Variants in HIPK2 observed in about 807,000 individuals in gnomAD.
HIPK2 encodes homeodomain-interacting protein kinase 2.
HIPK2 carries 27 observed loss-of-function variants against 113.7 expected under a neutral mutation model. The ratio of observed to expected loss-of-function variants is 0.24; its 90% CI spans 0.17 to 0.33. HIPK2 has a LOEUF of 0.33. Ranked by LOEUF, HIPK2 falls within the 10% of genes least tolerant of loss-of-function variation. The pLI, the probability that HIPK2 is intolerant of heterozygous loss-of-function variation, is 1.00. For missense variants in HIPK2, 1,257 were observed against 1,588.0 expected (o/e 0.79, Z 3.54); for synonymous variants, 631 against 642.2 (o/e 0.98, Z 0.26).
chr7:139,572,900 C>T lies in HIPK2; in HGVS notation c.*27G>A, dbSNP rs1798343298. On this transcript the variant is annotated 3_prime_UTR_variant, in exon 15 of 15. Coordinates refer to ENST00000406875, the MANE Select transcript of HIPK2 (RefSeq NM_022740.5). ...CCTCCCTCGGGCCATTCTCTCCCTC[C>T]CTCCCTCCCTCCCTCCCCTCCAGTG... is the stretch of plus-strand genomic sequence containing the variant. The T allele has an allele frequency of 7.4e-6, 4 of 538,788 alleles. No homozygotes were observed. The highest frequency in any genetic ancestry group is 3.2e-4 in the Middle Eastern group (1 of 3,136). The allele number at this position is 538,788 out of a possible 1,614,324, so 33.4% of individuals were successfully genotyped here. A position where few individuals can be genotyped will look rare whatever the true frequency, so the allele number is the denominator to read the frequency against.
chr7:139,691,157 C>A (rs1794393484), intron 2 of HIPK2, among the ~76,000 whole-genome samples: 1 of 152,178 alleles, frequency 6.6e-6, no homozygotes, highest in South Asian at 2.1e-4. Flanking sequence ...AAGGAAAACG[C>A]CCCCCTACCC....
chr7:139,703,625 T>C (rs911588183), intron 2 of HIPK2, among the ~76,000 whole-genome samples: 2 of 151,762 alleles, frequency 1.3e-5, no homozygotes, highest in African/African-American at 2.4e-5. Context: ...GAGAACACCA[T>C]GCACCAGTCT....
chr7:139,696,698 G>T (rs1436910224), intron 2 of HIPK2, among the ~76,000 whole-genome samples: 1 of 152,060 alleles, frequency 6.6e-6, no homozygotes, highest in Admixed American at 6.6e-5. Flanking sequence ...GCAGCACAAA[G>T]AAATGGACAT....
chr7:139,688,036 T>C (rs569166255), intron 2 of HIPK2, among the ~76,000 whole-genome samples: 77 of 152,296 alleles, frequency 5.1e-4, no homozygotes, highest in Admixed American at 2.5e-3. Flanking sequence ...GCATGGATTC[T>C]TGTCACCCCA....
intron 2 of HIPK2, among the ~76,000 whole-genome samples, chr7:139,657,998 C>G (rs1043453432): frequency 2.6e-5 from 4 of 152,126 alleles, no homozygotes; most frequent in Admixed American, 2.6e-4. Context: ...CTGGTTGAGT[C>G]ACTTAAATGT....
chr7:139,700,727 G>A (rs1381836259), intron 2 of HIPK2, among the ~76,000 whole-genome samples: 1 of 152,120 alleles, frequency 6.6e-6, no homozygotes, highest in African/African-American at 2.4e-5. Flanking sequence ...GCAGCACTGC[G>A]GCTCATTTTT....
chr7:139,666,844 C>G (rs147900970), intron 2 of HIPK2, among the ~76,000 whole-genome samples: 7 of 152,140 alleles, frequency 4.6e-5, no homozygotes, highest in African/African-American at 1.7e-4. Context: ...AGGTAGACGG[C>G]CTGAGGTCAG....
chr7:139,591,704 C>A (rs373462967), intron 12 of HIPK2, among the ~76,000 whole-genome samples: 3 of 152,246 alleles, frequency 2.0e-5, no homozygotes, highest in African/African-American at 7.2e-5. Context: ...CCTACCATCA[C>A]CTCTTGAGAT....
intron 2 of HIPK2, among the ~76,000 whole-genome samples, chr7:139,699,295 A>C (rs1379343940): frequency 6.6e-6 from 1 of 152,160 alleles, no homozygotes; most frequent in Non-Finnish European, 1.5e-5. Context: ...CATTAGAAAC[A>C]TTCAATTTCT....
chr7:139,631,071 G>T lies in HIPK2; in HGVS notation c.1347+94C>A. On this transcript the variant is annotated intron_variant, in intron 4 of 14. Coordinates refer to ENST00000406875, the MANE Select transcript of HIPK2 (RefSeq NM_022740.5). This position sits in a 1 kb window ranked among gnomAD's most constrained non-coding sequence, Gnocchi z 4.9. ...ACAGCACCCCCAGTGCCCTCATTTT[G>T]CTGACTGAATCAAAAGCTCCCCACT... The T allele has an allele frequency of 1.4e-6, 2 of 1,471,350 alleles. No homozygotes were observed. Among genetic ancestry groups the T allele is most frequent in the South Asian group, 2.6e-5 (2 of 75,682 alleles). 91.1% of individuals were successfully genotyped at this position (1,471,350 alleles called of 1,614,324 possible). A position where few individuals can be genotyped will look rare whatever the true frequency, so the allele number is the denominator to read the frequency against.
chr7:139,618,024 A>G (rs1194556126), intron 7 of HIPK2, among the ~76,000 whole-genome samples: 2 of 152,254 alleles, frequency 1.3e-5, no homozygotes, highest in Non-Finnish European at 2.9e-5. Context: ...CTGTGTATGT[A>G]TATTTTAAGA....
chr7:139,655,156 T>G (rs550099642), intron 2 of HIPK2, among the ~76,000 whole-genome samples: 53 of 152,348 alleles, frequency 3.5e-4, no homozygotes, highest in Non-Finnish European at 6.8e-4. Context: ...AGCCAGTTAC[T>G]GAATTCTCAG....
chr7:139,659,130 G>A (rs1801777159), intron 2 of HIPK2, among the ~76,000 whole-genome samples: 1 of 152,134 alleles, frequency 6.6e-6, no homozygotes, highest in African/African-American at 2.4e-5. Context: ...GGGGCCGGGA[G>A]GGATTTTTTC....
chr7:139,769,296 C>T (rs754965362), intron 1 of HIPK2, among the ~76,000 whole-genome samples: 11 of 149,806 alleles, frequency 7.3e-5, no homozygotes, highest in Non-Finnish European at 1.3e-4. Context: ...GGCCCACCTC[C>T]ATCTCCACGG....
At chr7:139,574,066 T>TC (rs1053099961) in intron 14 of HIPK2, among the ~76,000 whole-genome samples, 4 of 151,716 alleles carry the variant, frequency 2.6e-5, no homozygotes, top group Non-Finnish European at 5.9e-5. Flanking sequence ...CCTAGAATGA[T>TC]CCCCCCGCCT....
At position 139,630,388 on chromosome 7, in the gene HIPK2, C is replaced by A. The variant is rs1172861399; in HGVS notation, c.1347+777G>T. Among the ~76,000 whole-genome samples, 1 of 152,078 alleles carries A rather than the reference C, an allele frequency of 6.6e-6. No individual in the cohort carries two copies. The highest frequency in any genetic ancestry group is 1.5e-5 in the Non-Finnish European group (1 of 68,012). On this transcript the variant is annotated intron_variant, in intron 4 of 14. Transcript: ENST00000406875. The surrounding 1 kb of genome is among the most constrained non-coding windows in gnomAD (Gnocchi z 4.0). ...ACCCCACACTTCTATACTGGGCAAA[C>A]CCGCTTCATTCTTCCTTTTCTTTTT...
intron 13 of HIPK2, among the ~76,000 whole-genome samples, chr7:139,575,795 G>A (rs778933755): frequency 1.3e-4 from 20 of 152,228 alleles, no homozygotes; most frequent in Admixed American, 2.6e-4. Flanking sequence ...ATATTATCTC[G>A]GGAGTGGGTT....
intron 1 of HIPK2, among the ~76,000 whole-genome samples, chr7:139,746,486 T>C (rs781533896): frequency 2.6e-5 from 4 of 152,204 alleles, no homozygotes; most frequent in Non-Finnish European, 5.9e-5. Context: ...ACAGCGACTG[T>C]GCTGAAGTGG....
chr7:139,641,022 A>G (rs1800997554), intron 2 of HIPK2, among the ~76,000 whole-genome samples: 1 of 152,204 alleles, frequency 6.6e-6, no homozygotes, highest in Non-Finnish European at 1.5e-5. Flanking sequence ...AAAAAGCTGA[A>G]AAGATTAATA....
Sources: allele counts gnomAD v4.1 joint callset (sites outside exome capture counted in the v4.1 genomes callset), GRCh38; gene constraint gnomAD v4.1.1; non-coding constraint Gnocchi (gnomAD v3.1); transcripts MANE v1.5; gene names NCBI Gene and HGNC (gene_info 2026-07-23, HGNC 2026-07-21).